The following OPHN1 variants were observed in gnomAD, a reference collection of about 807,000 sequenced individuals.
The protein encoded by OPHN1 is oligophrenin 1, also known as oligophrenin-1.
In OPHN1, 11 loss-of-function variants were observed where a neutral mutation model predicts 60.7. That is an observed-to-expected ratio of 0.18 (90% CI 0.11 to 0.30). The LOEUF is 0.30. OPHN1 is among the 10% of genes least tolerant of loss of function. The pLI is 1.00. For missense variants in OPHN1, 449 were observed against 611.0 expected, an observed-to-expected ratio of 0.73 and a Z score of 2.80; for synonymous variants, 226 against 222.6, an observed-to-expected ratio of 1.02 and a Z score of -0.14.
Position 68,071,175 on chromosome X carries a change from G to C in OPHN1, c.1834+1977C>G, listed in dbSNP as rs751164471. The stretch of plus-strand genomic sequence containing the variant: ...GGAAGGGTCGCTATGGGCTCTCCAA[G>C]ACCTTCACAAAGTAGTTCAGCTCCT... On this transcript the variant is annotated intron_variant, in intron 20 of 24. Coordinates refer to ENST00000355520, the MANE Select transcript of OPHN1 (RefSeq NM_002547.3). 144 of 693,207 alleles carry C rather than the reference G, an allele frequency of 2.1e-4. No homozygotes were observed. The African/African-American group carries it at 2.8e-3, about 14-fold the overall frequency. The allele number at this position is 693,207 out of a possible 1,213,427, so 57.1% of individuals were successfully genotyped here.
intron 2 of OPHN1, among the ~76,000 whole-genome samples, chrX:68,402,348 G>A (rs1035935284): frequency 1.9e-5 from 2 of 103,485 alleles, no homozygotes; most frequent in Non-Finnish European, 4.0e-5. Flanking sequence ...AGAAGAAGAA[G>A]GAGGAGAAGG....
chrX:68,140,179 C>T (rs1427787500), intron 15 of OPHN1, among the ~76,000 whole-genome samples: 2 of 111,715 alleles, frequency 1.8e-5, no homozygotes, highest in South Asian at 7.6e-4. Context: ...TCAACCCAAA[C>T]TGTTACTCTA....
intron 4 of OPHN1, 78 bp downstream of exon 4, chrX:68,282,978 C>T (rs2078025661): frequency 3.9e-6 from 3 of 761,587 alleles, no homozygotes; most frequent in Non-Finnish European, 6.1e-6. Context: ...AGTATAGGAT[C>T]AATCCAAGCA....
At position 68,378,998 on chromosome X, in the gene OPHN1, C is replaced by T. The variant is rs1201498745; in HGVS notation, c.154+53869G>A. Among the ~76,000 whole-genome samples the T allele has an allele frequency of 3.6e-5, 4 of 110,635 alleles. No individual in the cohort carries two copies. In the Admixed American group the frequency reaches 3.9e-4, roughly 11 times the overall value. The stretch of plus-strand genomic sequence containing the variant: ...GTCATTGGTAGCTTGATGGAGATGG[C>T]ATTGAATCTATAAATTACCTTGGGC... On this transcript the variant is annotated intron_variant, in intron 2 of 24. Coordinates refer to ENST00000355520, the MANE Select transcript of OPHN1 (RefSeq NM_002547.3).
intron 2 of OPHN1, among the ~76,000 whole-genome samples, chrX:68,317,394 A>AGGAAGGAAGGAG (rs2078208380): frequency 6.6e-5 from 6 of 91,182 alleles, no homozygotes; most frequent in African/African-American, 2.6e-4. Flanking sequence ...GAAGGAAGGA[A>AGGAAGGAAGGAG]GGAAGGAAGG....
At position 68,433,225 on chromosome X, in the gene OPHN1, C is replaced by T; in HGVS notation, c.-62G>A. 7.1e-6 allele frequency: 3 copies of T among 424,805 alleles called. No homozygotes were observed. Among genetic ancestry groups the T allele is most frequent in the Middle Eastern group, 6.5e-4 (1 of 1,538 alleles). The allele number at this position is 424,805 out of a possible 1,213,427, so 35.0% of individuals were successfully genotyped here. A position where few individuals can be genotyped will look rare whatever the true frequency, so the allele number is the denominator to read the frequency against. On this transcript the variant is annotated 5_prime_UTR_variant, in exon 1 of 25. Transcript: ENST00000355520. Reference sequence around the variant, plus strand: ...TGGTCCGGACAGAGAACAGGCGCCCCGGCGATGGCTTCAGGGCCAGGGAGA... The same window carrying T: ...TGGTCCGGACAGAGAACAGGCGCCCTGGCGATGGCTTCAGGGCCAGGGAGA...
At chrX:68,109,330 T>C (rs925364434) in intron 18 of OPHN1, among the ~76,000 whole-genome samples, 1 of 111,866 alleles carries the variant, frequency 8.9e-6, no homozygotes, top group Non-Finnish European at 1.9e-5. Flanking sequence ...TGTTTATCCA[T>C]GTTGTGGCAT....
chrX:68,231,072 G>C (rs1441689985), intron 6 of OPHN1, among the ~76,000 whole-genome samples: 1 of 111,092 alleles, frequency 9.0e-6, no homozygotes, highest in East Asian at 2.8e-4. Flanking sequence ...AGAAATAAAA[G>C]AATGAAAAAA....
chrX:68,142,483 C>A lies in OPHN1; in HGVS notation c.1277-23151G>T, dbSNP rs374286285. On this transcript the variant is annotated intron_variant, in intron 15 of 24. Coordinates refer to ENST00000355520, the MANE Select transcript of OPHN1 (RefSeq NM_002547.3). ...ATTGTGGAAGCTTATGAAATCAAATCTTCAGATAACTTATCAACGTCTGCT... is the reference window on the plus strand; with the variant it reads ...ATTGTGGAAGCTTATGAAATCAAATATTCAGATAACTTATCAACGTCTGCT... 8.0e-5 allele frequency among the ~76,000 whole-genome samples: 9 copies of A among 112,069 alleles called. No homozygotes were observed. The South Asian group carries it at 3.3e-3, about 42-fold the overall frequency.
intron 2 of OPHN1, among the ~76,000 whole-genome samples, chrX:68,387,158 C>T (rs2078628403): frequency 9.4e-6 from 1 of 106,769 alleles, no homozygotes; most frequent in Non-Finnish European, 1.9e-5. Flanking sequence ...CAACTCTTTT[C>T]TCTTCTCTTC....
chrX:68,053,942 C>T, intron 21 of OPHN1, 132 bp from the exon 22 acceptor site: 1 of 575,966 alleles, frequency 1.7e-6, no homozygotes, highest in Admixed American at 4.2e-5. Flanking sequence ...ACTAACAACT[C>T]TGGCTATTTT....
intron 3 of OPHN1, among the ~76,000 whole-genome samples, chrX:68,283,380 T>C (rs1459888316): frequency 8.9e-6 from 1 of 111,896 alleles, no homozygotes; most frequent in Non-Finnish European, 1.9e-5. Context: ...GAATTTCTCT[T>C]ATTTCATAGA....
rs760389758 is a variant in OPHN1, at chrX:68,119,283, A to T, written c.1326T>A (p.Ile442=). 3.3e-6 allele frequency: 4 copies of T among 1,206,177 alleles called. No individual in the cohort carries two copies. Among genetic ancestry groups the T allele is most frequent in the Non-Finnish European group, 2.2e-6 (2 of 890,539 alleles). ...ATTTCAAGGAGCTGGTGATTGTCTT[A>T]ATGTCCCAGTCACTATTATGAAAAT... ...DVDFHNSDWD[I]KTITSSLKFY... Residue 442 remains isoleucine (I), a synonymous_variant, in exon 16 of 25, where the codon ATT becomes ATA. Coordinates refer to ENST00000355520, the MANE Select transcript of OPHN1 (RefSeq NM_002547.3).
rs376430399 is a variant in OPHN1 at position 68,208,247 on chromosome X, C to T, written c.833-1574G>A. Among the ~76,000 whole-genome samples, 216 of 110,227 alleles carry T rather than the reference C, an allele frequency of 2.0e-3. 2 individuals carry two copies. Among genetic ancestry groups the T allele is most frequent in the South Asian group, 6.4e-3 (16 of 2,517 alleles). Reference sequence around the variant, plus strand: ...CTAGGATTACAGGCAAGCATCACCACATCCAGCTAATTTTTGTATTTTTAG... The same window carrying T: ...CTAGGATTACAGGCAAGCATCACCATATCCAGCTAATTTTTGTATTTTTAG... On this transcript the variant is annotated intron_variant, in intron 9 of 24. Coordinates refer to ENST00000355520, the MANE Select transcript of OPHN1 (RefSeq NM_002547.3).
intron 2 of OPHN1, among the ~76,000 whole-genome samples, chrX:68,385,092 T>C (rs2147747790): frequency 9.0e-6 from 1 of 111,572 alleles, no homozygotes; most frequent in Admixed American, 9.6e-5. Flanking sequence ...TAAATGTATT[T>C]AAATAAGCCC....
intron 18 of OPHN1, among the ~76,000 whole-genome samples, chrX:68,099,896 T>C (rs773044803): frequency 2.7e-5 from 3 of 112,237 alleles, no homozygotes; most frequent in Admixed American, 1.9e-4. Context: ...TCTGGCAGAA[T>C]GAGAGGCTAT....
At chrX:68,319,033 A>T (rs896845603) in intron 2 of OPHN1, among the ~76,000 whole-genome samples, 4 of 111,630 alleles carry the variant, frequency 3.6e-5, no homozygotes, top group African/African-American at 1.3e-4. Context: ...GATCACCTGG[A>T]TAACGCAGTG....
intron 2 of OPHN1, among the ~76,000 whole-genome samples, chrX:68,328,840 G>A (rs2078281089): frequency 8.9e-6 from 1 of 112,281 alleles, no homozygotes. Context: ...TAGTAGTTAG[G>A]AAAACAAAAA....
chrX:68,308,928 C>T (rs954713651), intron 2 of OPHN1, among the ~76,000 whole-genome samples: 4 of 109,289 alleles, frequency 3.7e-5, no homozygotes, highest in Non-Finnish European at 5.7e-5. Context: ...TACAGCTGTG[C>T]GCCATGACAC....
Sources: allele counts gnomAD v4.1 joint callset (sites outside exome capture counted in the v4.1 genomes callset), GRCh38; gene constraint gnomAD v4.1.1; transcripts MANE v1.5; gene names NCBI Gene and HGNC (gene_info 2026-07-23, HGNC 2026-07-21).